TKTL1: variants seen among roughly 807,000 people sequenced by gnomAD.
The protein encoded by TKTL1 is transketolase like 1.
In TKTL1, 1 loss-of-function variant was observed where a neutral mutation model predicts 39.3. That is an observed-to-expected ratio of 0.03 (90% CI 0.01 to 0.12). TKTL1 has a LOEUF of 0.12. TKTL1 is among the 10% of genes least tolerant of loss of function. The probability of loss-of-function intolerance (pLI) is 1.00; values close to 1 mark genes in which losing one functional copy is unlikely to be tolerated. For synonymous variants in TKTL1, 262 were observed against 193.8 expected, an observed-to-expected ratio of 1.35 and a Z score of -2.92; for missense variants, 575 against 509.6, an observed-to-expected ratio of 1.13 and a Z score of -1.24.
chrX:154,314,366 G>A lies in TKTL1; in HGVS notation c.865-807G>A, dbSNP rs954427188. ...ACATTAGCCCATCTCAACTTCATTA[G>A]TACATTAAAAAAATTAAATGAATCA... is the stretch of plus-strand genomic sequence containing the variant. On this transcript the variant is annotated intron_variant, in intron 6 of 12. Coordinates refer to ENST00000369915, the MANE Select transcript of TKTL1 (RefSeq NM_012253.4). 9.9e-5 allele frequency among the ~76,000 whole-genome samples: 11 copies of A among 111,125 alleles called. No homozygotes were observed. The East Asian group carries it at 2.8e-3, about 28-fold the overall frequency.
intron 6 of TKTL1, among the ~76,000 whole-genome samples, chrX:154,314,808 A>G (rs1266554047): frequency 9.0e-6 from 1 of 111,364 alleles, no homozygotes; most frequent in Non-Finnish European, 1.9e-5. Flanking sequence ...TACAGATGTG[A>G]GCCAGCACAC....
At chrX:154,302,335 C>T (rs1364902405) in intron 1 of TKTL1, among the ~76,000 whole-genome samples, 2 of 111,465 alleles carry the variant, frequency 1.8e-5, no homozygotes, top group African/African-American at 3.3e-5. Context: ...TCAGTTATCA[C>T]TTAGGGCTGT....
At chrX:154,318,209 G>A (rs6655282) in intron 7 of TKTL1, among the ~76,000 whole-genome samples, 24,019 of 110,022 alleles carry the variant, frequency 0.22, 3,179 homozygotes, top group African/African-American at 0.48. Flanking sequence ...GCTGGGAGCC[G>A]CCATGCTTGG....
In TKTL1 at chrX:154,295,874, G is replaced by C; in HGVS notation, c.15G>C (p.Glu5Asp). MADA[E>D]ARAEFPEEAR... ...GGGTTGGACTAATGGCGGATGCTGAGGCGAGGGCTGAGTTCCCGGAGGAGG... is the reference window on the plus strand; with the variant it reads ...GGGTTGGACTAATGGCGGATGCTGACGCGAGGGCTGAGTTCCCGGAGGAGG... Residue 5 changes from glutamate to aspartate, a missense_variant, in exon 1 of 13, where the codon GAG (glutamate) becomes GAC (aspartate). Coordinates refer to ENST00000369915, the MANE Select transcript of TKTL1 (RefSeq NM_012253.4). 1 of 1,211,848 alleles carries C rather than the reference G, an allele frequency of 8.3e-7. No homozygotes were observed. Among genetic ancestry groups the C allele is most frequent in the Non-Finnish European group, 1.1e-6 (1 of 895,421 alleles).
At position 154,329,813 on chromosome X, in the gene TKTL1, C is replaced by G; in HGVS notation, c.*125C>G. 3.8e-6 allele frequency: 3 copies of G among 782,552 alleles called. No homozygotes were observed. Among genetic ancestry groups the G allele is most frequent in the Non-Finnish European group, 5.5e-6 (3 of 544,480 alleles). 64.5% of individuals were successfully genotyped at this position (782,552 alleles called of 1,213,427 possible). ...AGCAAAGCCAGCTAACACCTTCATTCATCCCTAGTTCGGAAATTCAAGCTA... is the reference window on the plus strand; with the variant it reads ...AGCAAAGCCAGCTAACACCTTCATTGATCCCTAGTTCGGAAATTCAAGCTA... On this transcript the variant is annotated 3_prime_UTR_variant, in exon 13 of 13. Coordinates refer to ENST00000369915, the MANE Select transcript of TKTL1 (RefSeq NM_012253.4).
chrX:154,318,625 G>A (rs782503620), intron 7 of TKTL1, among the ~76,000 whole-genome samples: 9 of 105,051 alleles, frequency 8.6e-5, no homozygotes, highest in South Asian at 8.8e-4. Context: ...GGAGAATGGC[G>A]TGAACCCGGG....
intron 3 of TKTL1, among the ~76,000 whole-genome samples, 155 bp downstream of exon 3, chrX:154,309,597 T>G (rs2067340389): frequency 9.0e-6 from 1 of 111,202 alleles, no homozygotes; most frequent in Non-Finnish European, 1.9e-5. Flanking sequence ...GCCTTCCCTG[T>G]GCCTTTTCCC....
intron 1 of TKTL1, among the ~76,000 whole-genome samples, chrX:154,296,643 GTTGTA>G (rs2067231470): frequency 9.0e-6 from 1 of 111,580 alleles, no homozygotes; most frequent in African/African-American, 3.3e-5. Context: ...TTGGTCTCTA[GTTGTA>G]TTGTAGTATT....
intron 7 of TKTL1, chrX:154,320,406 C>T (rs928167557): frequency 4.0e-6 from 1 of 246,973 alleles, no homozygotes; most frequent in East Asian, 7.0e-5. Context: ...GGAAGTAGCA[C>T]AAGAGGGGAG....
rs1408405552 is a variant in TKTL1, at chrX:154,322,295, G to T, written c.1187-912G>T. On this transcript the variant is annotated intron_variant, in intron 8 of 12. Coordinates refer to ENST00000369915, the MANE Select transcript of TKTL1 (RefSeq NM_012253.4). ...ACCTGTAATCCCAGCATTTTGGGAG[G>T]CCGAGGCAGGTGGATCATCTGTGGT... Among the ~76,000 whole-genome samples the T allele has an allele frequency of 4.6e-5, 5 of 107,940 alleles. No individual in the cohort carries two copies. In the East Asian group the frequency reaches 1.2e-3, roughly 25 times the overall value. The allele number at this position is 107,940 out of a possible 115,157, so 93.7% of individuals were successfully genotyped here. A position where few individuals can be genotyped will look rare whatever the true frequency, so the allele number is the denominator to read the frequency against.
Position 154,320,835 on chromosome X carries a change from G to A in TKTL1, c.1108G>A (p.Ala370Thr), listed in dbSNP as rs782242540. ...ASTFAAFLTR[A>T]FDHIRIGGLA... ...CACCTTTGCTGCCTTTCTGACTCGA[G>A]CATTTGATCACATCCGGATAGGAGG... Residue 370 changes from alanine to threonine, a missense_variant, in exon 8 of 13, where the codon GCA (alanine) becomes ACA (threonine). By Grantham distance (58) the Ala-to-Thr change is moderately conservative. Transcript: ENST00000369915. 1.7e-6 allele frequency: 2 copies of A among 1,211,316 alleles called. No homozygotes were observed. Among genetic ancestry groups the A allele is most frequent in the Non-Finnish European group, 2.2e-6 (2 of 895,099 alleles).
chrX:154,328,939 G>A (rs1435806316), intron 12 of TKTL1, among the ~76,000 whole-genome samples: 1 of 112,480 alleles, frequency 8.9e-6, no homozygotes, highest in South Asian at 3.6e-4. Flanking sequence ...GGGGCATACT[G>A]AGAAGTGCCT....
At chrX:154,303,660 G>A (rs1268910828) in intron 1 of TKTL1, among the ~76,000 whole-genome samples, 3 of 106,032 alleles carry the variant, frequency 2.8e-5, no homozygotes, top group African/African-American at 1.0e-4. Context: ...CATGCCAGGG[G>A]GACTCCTGGG....
intron 2 of TKTL1, among the ~76,000 whole-genome samples, chrX:154,309,059 A>G (rs996775114): frequency 9.0e-6 from 1 of 110,823 alleles, no homozygotes; most frequent in Admixed American, 9.6e-5. Flanking sequence ...TGGATTACCT[A>G]TGACTCCCTG....
At chrX:154,327,558 C>A (rs1557172218) in intron 10 of TKTL1, 33 bp from the exon 11 acceptor site, 1 of 1,157,643 alleles carries the variant, frequency 8.6e-7, no homozygotes, top group Non-Finnish European at 1.2e-6. Context: ...TGTGTAGTAA[C>A]CACGGCATTC....
chrX:154,303,641 C>T (rs1366218017), intron 1 of TKTL1, among the ~76,000 whole-genome samples: 1 of 106,751 alleles, frequency 9.4e-6, no homozygotes, highest in Non-Finnish European at 1.9e-5. Context: ...TTCCCAACTT[C>T]CCCCTCATCA....
intron 2 of TKTL1, among the ~76,000 whole-genome samples, chrX:154,308,881 T>G (rs782261738): frequency 1.8e-4 from 20 of 111,264 alleles, no homozygotes; most frequent in Admixed American, 1.2e-3. Flanking sequence ...ATTCTCTTTC[T>G]GGTTTCTGTT....
chrX:154,317,512 G>A (rs191748063), intron 7 of TKTL1, among the ~76,000 whole-genome samples: 1 of 112,381 alleles, frequency 8.9e-6, no homozygotes, highest in East Asian at 2.8e-4. Context: ...CCAGGGCCCA[G>A]GTCATACGGG....
intron 1 of TKTL1, chrX:154,304,824 T>A (rs2067302220): frequency 3.2e-6 from 1 of 307,860 alleles, no homozygotes; most frequent in African/African-American, 2.8e-5. Context: ...GCAGGCCGCT[T>A]TCTAAGAGCA....
Sources: gnomAD v4.1 joint callset for allele counts (sites outside exome capture counted in the v4.1 genomes callset) on GRCh38, gnomAD v4.1.1 for gene constraint, MANE v1.5 for transcripts, NCBI Gene and HGNC (gene_info 2026-07-23, HGNC 2026-07-21) for gene names.